The following TENM2 variants were observed in gnomAD, a reference collection of about 807,000 sequenced individuals.
TENM2 encodes teneurin-2.
Under a neutral mutation model 245.2 loss-of-function variants are expected in TENM2, and 52 were observed. That is an observed-to-expected ratio of 0.21 (90% CI 0.17 to 0.27). The LOEUF (loss-of-function observed/expected upper bound fraction) is 0.27. TENM2 is among the 10% of genes least tolerant of loss of function. The pLI is 1.00. For synonymous variants in TENM2, 1,363 were observed against 1,438.9 expected (o/e 0.95, Z 1.19); for missense variants, 3,046 against 3,666.8 (o/e 0.83, Z 4.37).
chr5:167,755,342 T>A, intron 2 of TENM2: 1 of 582,858 alleles, frequency 1.7e-6, no homozygotes, highest in South Asian at 2.8e-5. Context: ...CGCACCGCAG[T>A]TGTCTTAACA....
chr5:167,297,793 A>G (rs897059983), intron 1 of TENM2, among the ~76,000 whole-genome samples: 15 of 151,780 alleles, frequency 9.9e-5, no homozygotes, highest in African/African-American at 3.4e-4. Flanking sequence ...GGAAAATTAC[A>G]GTCAAAGGGG....
chr5:167,456,281 C>G (rs1461509914), intron 2 of TENM2, among the ~76,000 whole-genome samples: 1 of 152,100 alleles, frequency 6.6e-6, no homozygotes, highest in African/African-American at 2.4e-5. Context: ...AAGAGGAGAA[C>G]TTAATATTTT....
At chr5:167,258,214 T>TAA in the TENM2 span, among the ~76,000 whole-genome samples, 7 of 143,190 alleles carry the variant, frequency 4.9e-5, no homozygotes, top group Non-Finnish European at 9.0e-5. Flanking sequence ...TATATATATA[T>TAA]GTATATATAT....
intron 2 of TENM2, among the ~76,000 whole-genome samples, chr5:167,391,971 T>C (rs990686668): frequency 6.6e-6 from 1 of 152,020 alleles, no homozygotes; most frequent in African/African-American, 2.4e-5. Flanking sequence ...TCCTTAAGTG[T>C]TGGGTGGAGA....
chr5:168,070,620 A>C (rs796396690), intron 7 of TENM2, among the ~76,000 whole-genome samples: 10 of 147,472 alleles, frequency 6.8e-5, no homozygotes, highest in African/African-American at 2.5e-4. Flanking sequence ...ATCTCTACCA[A>C]AAAAAAAAAA....
At chr5:167,869,328 G>A (rs1214922733) in intron 2 of TENM2, among the ~76,000 whole-genome samples, 1 of 152,232 alleles carries the variant, frequency 6.6e-6, no homozygotes, top group Non-Finnish European at 1.5e-5. Context: ...ACTCATAGGT[G>A]AATTTGAGTG....
At chr5:167,725,147 G>T (rs1317986534) in intron 2 of TENM2, among the ~76,000 whole-genome samples, 1 of 152,080 alleles carries the variant, frequency 6.6e-6, no homozygotes, top group Non-Finnish European at 1.5e-5. Flanking sequence ...ATGGGAAATG[G>T]ATTCTTATTA....
At chr5:167,273,518 T>TA in the TENM2 span, among the ~76,000 whole-genome samples, 553 of 152,296 alleles carry the variant, frequency 3.6e-3, 2 homozygotes, top group African/African-American at 0.012. Flanking sequence ...AAGCAATAAA[T>TA]ACATTTATTA....
intron 2 of TENM2, among the ~76,000 whole-genome samples, chr5:167,799,291 G>A (rs1765536580): frequency 1.3e-5 from 2 of 152,306 alleles, no homozygotes; most frequent in African/African-American, 2.4e-5. Flanking sequence ...ACTTCAAATC[G>A]CATGGTGAAG....
intron 10 of TENM2, among the ~76,000 whole-genome samples, chr5:168,121,540 GT>G (rs1326128435): frequency 5.3e-5 from 8 of 152,118 alleles, no homozygotes; most frequent in Non-Finnish European, 1.2e-4. Context: ...ACAATAAATG[GT>G]TTTTTTGATG....
At chr5:167,229,551 G>A in the TENM2 span, among the ~76,000 whole-genome samples, 6 of 152,332 alleles carry the variant, frequency 3.9e-5, no homozygotes, top group African/African-American at 1.4e-4. Flanking sequence ...CTGGTTTCCA[G>A]ACCTGCAGGT....
chr5:167,622,338 C>T (rs940046846), intron 2 of TENM2, among the ~76,000 whole-genome samples: 1 of 152,078 alleles, frequency 6.6e-6, no homozygotes, highest in African/African-American at 2.4e-5. Flanking sequence ...TAAAGCATGC[C>T]ATGCTTTAAA....
the TENM2 span, among the ~76,000 whole-genome samples, chr5:167,254,557 T>C: frequency 6.6e-6 from 1 of 152,142 alleles, no homozygotes; most frequent in Admixed American, 6.6e-5. Context: ...CAAGTATTTA[T>C]TGGACTCTAG....
chr5:167,987,714 G>A (rs963449818), intron 4 of TENM2, among the ~76,000 whole-genome samples: 12 of 151,948 alleles, frequency 7.9e-5, no homozygotes, highest in South Asian at 2.1e-4. Context: ...TGAGTGCCGC[G>A]TTAAAAACAG....
intron 2 of TENM2, among the ~76,000 whole-genome samples, chr5:167,422,538 C>G (rs962585677): frequency 6.6e-6 from 1 of 152,190 alleles, no homozygotes; most frequent in African/African-American, 2.4e-5. Context: ...CAGGCAGCCT[C>G]TCTGTCCACA....
intron 13 of TENM2, among the ~76,000 whole-genome samples, chr5:168,184,751 G>A (rs185118404): frequency 6.6e-6 from 1 of 152,298 alleles, no homozygotes; most frequent in African/African-American, 2.4e-5. Context: ...CATCGACACA[G>A]GGCCTCCTTC....
chr5:167,168,676 C>T, the TENM2 span, among the ~76,000 whole-genome samples: 35 of 152,304 alleles, frequency 2.3e-4, 1 homozygote, highest in South Asian at 7.0e-3. Context: ...TCAGTTGTAG[C>T]GGCTAGCACA....
intron 3 of TENM2, among the ~76,000 whole-genome samples, chr5:167,932,165 C>CA (rs1323940666): frequency 6.6e-6 from 1 of 152,150 alleles, no homozygotes; most frequent in African/African-American, 2.4e-5. Context: ...TGCTTAGCAG[C>CA]ACACATCTTG....
chr5:167,292,147 TC>T (rs1754678749), intron 1 of TENM2, among the ~76,000 whole-genome samples: 1 of 152,122 alleles, frequency 6.6e-6, no homozygotes, highest in Non-Finnish European at 1.5e-5. Flanking sequence ...ACCAGGTCCC[TC>T]CCATCACACA....
Sources: gnomAD v4.1 joint callset for allele counts (sites outside exome capture counted in the v4.1 genomes callset) on GRCh38, gnomAD v4.1.1 for gene constraint, MANE v1.5 for transcripts, NCBI Gene and HGNC (gene_info 2026-07-23, HGNC 2026-07-21) for gene names.